The following NLRC5 variants were observed in gnomAD, a reference collection of about 807,000 sequenced individuals.
NLRC5 encodes NLR family CARD domain containing 5.
A neutral mutation model predicts 206.9 loss-of-function variants in NLRC5; 114 were observed. The ratio of observed to expected loss-of-function variants is 0.55; its 90% CI spans 0.47 to 0.64. The LOEUF is 0.64. Ranked by LOEUF, NLRC5 falls within the 30% of genes least tolerant of loss-of-function variation. The pLI is 0.00. For synonymous variants in NLRC5, 952 were observed against 962.8 expected, an observed-to-expected ratio of 0.99 and a Z score of 0.21; for missense variants, 2,008 against 2,305.5, an observed-to-expected ratio of 0.87 and a Z score of 2.64.
chr16:57,025,534 G>A lies in NLRC5; in HGVS notation c.591G>A (p.Gly197=). 1.2e-6 allele frequency: 2 copies of A among 1,613,694 alleles called. No individual in the cohort carries two copies. Among genetic ancestry groups the A allele is most frequent in the South Asian group, 1.1e-5 (1 of 91,032 alleles). The change falls in exon 6 of 49, where the codon GGG becomes GGA. Residue 197 remains glycine (G), a synonymous_variant. Coordinates refer to ENST00000688547, the MANE Select transcript of NLRC5 (RefSeq NM_001384950.1). ...ACACTCCGGAGGGGGCCATTATGGG[G>A]GACGTCAAGGTGGAAGATGGTGCTG... ...SLDTPEGAIM[G]DVKVEDGADV...
rs756356714 is a variant in NLRC5 at position 57,059,039 on chromosome 16, C to T, written c.3898C>T (p.Arg1300Cys). The stretch of plus-strand genomic sequence containing the variant: ...GCTGGAGACACTGCCCTCCTGCCCA[C>T]GTGTCCGGGAGGCCTCAGTGAAGTA... ...YLLETLPSCP[R>C]VREASVNLGS... Residue 1300 changes from arginine to cysteine, a missense_variant, in exon 29 of 49, where the codon CGT (arginine) becomes TGT (cysteine). Arg to Cys is a radical substitution (Grantham distance 180). Coordinates refer to ENST00000688547, the MANE Select transcript of NLRC5 (RefSeq NM_001384950.1). The T allele has an allele frequency of 2.5e-5, 40 of 1,614,014 alleles. 1 individual carries two copies. The Admixed American group carries it at 2.8e-4, about 11-fold the overall frequency.
rs777332310 is a variant in NLRC5 at position 57,026,150 on chromosome 16, T to G, written c.1207T>G (p.Cys403Gly). 22 of 1,613,932 alleles carry G rather than the reference T, an allele frequency of 1.4e-5. No individual in the cohort carries two copies. Among genetic ancestry groups the G allele is most frequent in the Non-Finnish European group, 1.9e-5 (22 of 1,180,054 alleles). The change falls in exon 6 of 49, where the codon TGT becomes GGT. Residue 403 changes from cysteine to glycine, a missense_variant. By Grantham distance (159) the Cys-to-Gly change is radical. Coordinates refer to ENST00000688547, the MANE Select transcript of NLRC5 (RefSeq NM_001384950.1). ...GACAAATGGACGTCTCCGAAGCCTG[T>G]GTGCGGTGCCCGCACTGTGCCAAGT... Reference protein sequence around the residue: ...LQTNGRLRSLCAVPALCQVAC... With the variant: ...LQTNGRLRSLGAVPALCQVAC...
intron 8 of NLRC5, among the ~76,000 whole-genome samples, chr16:57,028,699 G>A (rs1464589934): frequency 1.3e-5 from 2 of 152,240 alleles, no homozygotes; most frequent in East Asian, 3.9e-4. Flanking sequence ...AGGCACTGTG[G>A]GTACACATAA....
At chr16:56,999,416 G>C (rs1410120511) in intron 1 of NLRC5, among the ~76,000 whole-genome samples, 2 of 152,230 alleles carry the variant, frequency 1.3e-5, no homozygotes, top group Non-Finnish European at 2.9e-5. Context: ...CCACTTCCCA[G>C]CCTGCAGCTC....
intron 1 of NLRC5, among the ~76,000 whole-genome samples, chr16:57,010,903 TAAAA>T (rs780913523): frequency 1.3e-5 from 2 of 151,892 alleles, no homozygotes; most frequent in Admixed American, 1.3e-4. Context: ...TGGCTTTTTT[TAAAA>T]AAAAATCAAA....
At chr16:57,054,646 C>G (rs1174210891) in intron 24 of NLRC5, 105 bp from the exon 25 acceptor site, 2 of 851,990 alleles carry the variant, frequency 2.3e-6, no homozygotes, top group African/African-American at 3.3e-5. Flanking sequence ...TTCCCTATTG[C>G]CTTGCTGAGC....
chr16:57,047,737 C>T, intron 23 of NLRC5, 109 bp downstream of exon 23: 1 of 936,692 alleles, frequency 1.1e-6, no homozygotes, highest in Non-Finnish European at 1.7e-6. Context: ...GATTTCTTCC[C>T]ACCAGCCCTG....
In NLRC5 at chr16:57,039,729, T is replaced by C. The variant is rs1422732760; in HGVS notation, c.2802-52T>C. On this transcript the variant is annotated intron_variant, in intron 15 of 48. Transcript: ENST00000688547. ...GAGACCTTCTCTCAAAAAGAAATAG[T>C]AACAGGGAGCCAATAACCTCTCGCT... 9 of 1,519,942 alleles carry C rather than the reference T, an allele frequency of 5.9e-6. No individual in the cohort carries two copies. In the East Asian group the frequency reaches 1.4e-4, roughly 23 times the overall value. 94.2% of individuals were successfully genotyped at this position (1,519,942 alleles called of 1,614,324 possible).
rs865811912 is a variant in NLRC5 at position 57,069,876 on chromosome 16, C to A, written c.4540C>A (p.Leu1514Met). ...SCVSTEGLAH[L>M]ASGLGHCHHL... is the part of the protein sequence containing the mutation. ...TGTGAGCACCGAGGGCCTCGCCCAC[C>A]TGGCATCTGGTCTGGGCCACTGCCA... Residue 1514 changes from leucine to methionine, a missense_variant, in exon 37 of 49, where the codon CTG becomes ATG. Leu to Met is a conservative substitution (Grantham distance 15, BLOSUM62 2). Coordinates refer to ENST00000688547, the MANE Select transcript of NLRC5 (RefSeq NM_001384950.1). The A allele has an allele frequency of 6.3e-7, 1 of 1,598,656 alleles. No individual in the cohort carries two copies. Among genetic ancestry groups the A allele is most frequent in the South Asian group, 1.1e-5 (1 of 88,506 alleles).
chr16:57,037,514 T>C (rs1160563967), intron 15 of NLRC5, among the ~76,000 whole-genome samples: 1 of 152,076 alleles, frequency 6.6e-6, no homozygotes, highest in Admixed American at 6.5e-5. Flanking sequence ...CAGAGACGCC[T>C]GGCAGGGTAC....
At chr16:57,067,595 G>A (rs921214391) in intron 35 of NLRC5, 125 bp downstream of exon 35, 4 of 1,329,888 alleles carry the variant, frequency 3.0e-6, no homozygotes, top group South Asian at 2.5e-5. Flanking sequence ...CTTGGCCAGT[G>A]GAGGGGAGGG....
rs573651232 is a variant in NLRC5 at position 57,020,979 on chromosome 16, G to T, written c.267G>T (p.Leu89=). 6.2e-7 allele frequency: 1 copy of T among 1,613,968 alleles called. No individual in the cohort carries two copies. The highest frequency in any genetic ancestry group is 1.3e-5 in the African/African-American group (1 of 75,014). The change falls in exon 3 of 49, where the codon CTG becomes CTT. Residue 89 remains leucine (L), a synonymous_variant. Transcript: ENST00000688547. ...AGGTGCCTCTGGACCTGGAGGTGCT[G>T]CTGCTGAGTACTTTTGGCTATGATG... ...QLEVPLDLEV[L]LLSTFGYDDG... is the part of the protein sequence containing the mutation.
chr16:57,070,594 G>T lies in NLRC5; in HGVS notation c.4643G>T (p.Gly1548Val). 4 of 1,614,132 alleles carry T rather than the reference G, an allele frequency of 2.5e-6. No individual in the cohort carries two copies. Among genetic ancestry groups the T allele is most frequent in the Non-Finnish European group, 3.4e-6 (4 of 1,180,004 alleles). Reference sequence around the variant, plus strand: ...AAGGCGCTGATGAGGGCCCTTGAGGGGAAATGGATGCTAAAGAGGCTGGAG... The same window carrying T: ...AAGGCGCTGATGAGGGCCCTTGAGGTGAAATGGATGCTAAAGAGGCTGGAG... ...GTKALMRALE[G>V]KWMLKRLDLS... Residue 1548 changes from glycine to valine, a missense_variant, in exon 38 of 49, where the codon GGG (glycine) becomes GTG (valine). By Grantham distance (109) the Gly-to-Val change is moderately radical. Transcript: ENST00000688547.
At chr16:57,037,122 G>T in intron 14 of NLRC5, 73 bp from the exon 15 acceptor site, 1 of 1,226,824 alleles carries the variant, frequency 8.2e-7, no homozygotes. Flanking sequence ...TGAGCCACAG[G>T]GAGGGGCTAG....
intron 1 of NLRC5, among the ~76,000 whole-genome samples, chr16:56,991,412 C>T (rs1187748041): frequency 2.2e-5 from 3 of 137,558 alleles, no homozygotes; most frequent in African/African-American, 8.4e-5. Context: ...GACGAAGTCT[C>T]ACTCTGTTGC....
intron 1 of NLRC5, among the ~76,000 whole-genome samples, chr16:57,010,172 G>A (rs555947938): frequency 2.6e-5 from 4 of 152,266 alleles, no homozygotes; most frequent in South Asian, 2.1e-4. Context: ...ATTTTGAAAC[G>A]CACATGAGGC....
At chr16:57,048,059 C>T (rs1239309796) in intron 23 of NLRC5, 2 of 171,802 alleles carry the variant, frequency 1.2e-5, no homozygotes, top group East Asian at 1.6e-4. Flanking sequence ...GGGTCTGTAA[C>T]CAGAGACTGG....
chr16:57,028,042 C>G (rs1479601251), intron 6 of NLRC5, 30 bp from the exon 7 acceptor site: 1 of 1,564,800 alleles, frequency 6.4e-7, no homozygotes, highest in Non-Finnish European at 8.8e-7. Context: ...CAGCACTGAT[C>G]CTCTGACACT....
chr16:57,069,941 T>C (rs768255126), intron 37 of NLRC5, 22 bp downstream of exon 37: 66 of 1,555,002 alleles, frequency 4.2e-5, no homozygotes, highest in East Asian at 7.2e-5. Flanking sequence ...AGTGGAGGGA[T>C]TGGGGACAAG....
Sources: gnomAD v4.1 joint callset for allele counts (sites outside exome capture counted in the v4.1 genomes callset) on GRCh38, gnomAD v4.1.1 for gene constraint, MANE v1.5 for transcripts, NCBI Gene and HGNC (gene_info 2026-07-23, HGNC 2026-07-21) for gene names.